The following MAP3K7CL variants were observed in gnomAD, a reference collection of about 807,000 sequenced individuals.
MAP3K7CL encodes MAP3K7 C-terminal like, also known as MAP3K7 C-terminal-like protein.
In MAP3K7CL, 16 loss-of-function variants were observed where a neutral mutation model predicts 18.6. The ratio of observed to expected loss-of-function variants is 0.86; its 90% CI spans 0.58 to 1.31. The LOEUF is 1.31. MAP3K7CL is among the 50% of genes most tolerant of loss of function. The pLI, the probability that MAP3K7CL is intolerant of heterozygous loss-of-function variation, is 0.00. For synonymous variants in MAP3K7CL, 65 were observed against 66.8 expected, an observed-to-expected ratio of 0.97 and a Z score of 0.13; for missense variants, 163 against 174.4, an observed-to-expected ratio of 0.93 and a Z score of 0.37.
chr21:29,112,172 C>G (rs568557722), intron 4 of MAP3K7CL, among the ~76,000 whole-genome samples: 2 of 152,242 alleles, frequency 1.3e-5, no homozygotes, highest in South Asian at 4.1e-4. Context: ...GTGGCGTGCA[C>G]CTGTAGTCCC....
chr21:29,132,671 C>T (rs2048587805), intron 1 of MAP3K7CL, among the ~76,000 whole-genome samples: 1 of 151,916 alleles, frequency 6.6e-6, no homozygotes. Flanking sequence ...TAGCATGCCC[C>T]ACTAATTTTT....
At chr21:29,128,320 T>G (rs556446295), upstream of MAP3K7CL, 4 of 152,050 alleles carry the variant, frequency 2.6e-5, no homozygotes, top group Admixed American at 2.6e-4. Flanking sequence ...TTTTTTTTTT[T>G]GAGATGGAGT....
At chr21:29,115,530 G>A (rs1045590862) in intron 4 of MAP3K7CL, among the ~76,000 whole-genome samples, 1 of 152,188 alleles carries the variant, frequency 6.6e-6, no homozygotes, top group Non-Finnish European at 1.5e-5. Context: ...TCATGGCCTG[G>A]ATGTGAAACT....
intron 2 of MAP3K7CL, among the ~76,000 whole-genome samples, chr21:29,136,348 T>A (rs2086884893): frequency 6.6e-6 from 1 of 152,122 alleles, no homozygotes; most frequent in Non-Finnish European, 1.5e-5. Flanking sequence ...ACCACACATT[T>A]AGGGGGAAAC....
intron 2 of MAP3K7CL, among the ~76,000 whole-genome samples, chr21:29,145,261 C>T (rs1406049102): frequency 2.0e-5 from 3 of 151,988 alleles, no homozygotes; most frequent in Non-Finnish European, 4.4e-5. Context: ...CCATTATAAA[C>T]ATATCAAGCA....
At chr21:29,083,533 T>C (rs2146476199), upstream of MAP3K7CL, among the ~76,000 whole-genome samples, 4 of 151,046 alleles carry the variant, frequency 2.6e-5, 1 homozygote, top group South Asian at 8.4e-4. Flanking sequence ...ATATGACCTG[T>C]GGGAAAAATT....
At chr21:29,109,983 AATGTT>A (rs2086391747) in intron 4 of MAP3K7CL, among the ~76,000 whole-genome samples, 1 of 152,192 alleles carries the variant, frequency 6.6e-6, no homozygotes, top group Admixed American at 6.5e-5. Context: ...CTATTTTTAG[AATGTT>A]ATGAGTACAA....
intron 4 of MAP3K7CL, among the ~76,000 whole-genome samples, chr21:29,103,924 T>G (rs1568937440): frequency 6.6e-6 from 1 of 152,006 alleles, no homozygotes; most frequent in South Asian, 2.1e-4. Context: ...TAAACTAAAA[T>G]AAAAAGTTTG....
At chr21:29,090,412 ACT>A (rs1293414600) in intron 1 of MAP3K7CL, among the ~76,000 whole-genome samples, 1 of 151,532 alleles carries the variant, frequency 6.6e-6, no homozygotes, top group Non-Finnish European at 1.5e-5. Context: ...ACAGAGGCTC[ACT>A]CTGTCGCCCA....
At chr21:29,154,144 C>T (rs907330309) in intron 3 of MAP3K7CL, among the ~76,000 whole-genome samples, 1 of 152,100 alleles carries the variant, frequency 6.6e-6, no homozygotes, top group Non-Finnish European at 1.5e-5. Flanking sequence ...ATCAATCTCA[C>T]ATTGTTGTGG....
At chr21:29,163,054 T>C (rs2087592589) in intron 4 of MAP3K7CL, among the ~76,000 whole-genome samples, 1 of 151,962 alleles carries the variant, frequency 6.6e-6, no homozygotes, top group African/African-American at 2.4e-5. Context: ...GAGGTTGCAG[T>C]GAGCCAAGAT....
At chr21:29,133,482 C>A in intron 2 of MAP3K7CL, 68 bp downstream of exon 2, 1 of 1,218,938 alleles carries the variant, frequency 8.2e-7, no homozygotes, top group Non-Finnish European at 1.1e-6. Flanking sequence ...TTTCTAATGC[C>A]ACGCCTCTGT....
At chr21:29,115,837 A>AT (rs991629361) in intron 4 of MAP3K7CL, among the ~76,000 whole-genome samples, 10 of 152,248 alleles carry the variant, frequency 6.6e-5, no homozygotes, top group Non-Finnish European at 5.9e-5. Context: ...TGAGAACTAA[A>AT]TTAATTATTC....
upstream of MAP3K7CL, among the ~76,000 whole-genome samples, chr21:29,083,201 C>T (rs781309878): frequency 1.9e-4 from 29 of 152,170 alleles, no homozygotes; most frequent in Middle Eastern, 6.3e-3. Context: ...CCCTGGACTC[C>T]AATTTGAGAA....
At chr21:29,101,776 T>C (rs1174102243) in intron 4 of MAP3K7CL, among the ~76,000 whole-genome samples, 2 of 152,200 alleles carry the variant, frequency 1.3e-5, no homozygotes, top group African/African-American at 4.8e-5. Context: ...TTCTTGATTA[T>C]GTGTCAGTAA....
At chr21:29,101,584 A>G (rs1369020811) in intron 4 of MAP3K7CL, among the ~76,000 whole-genome samples, 1 of 151,884 alleles carries the variant, frequency 6.6e-6, no homozygotes, top group Non-Finnish European at 1.5e-5. Flanking sequence ...AATTTTTTGT[A>G]TTTTTAGTAG....
chr21:29,123,529 C>G (rs2086633471), intron 4 of MAP3K7CL, among the ~76,000 whole-genome samples: 1 of 152,034 alleles, frequency 6.6e-6, no homozygotes, highest in African/African-American at 2.4e-5. Context: ...TTTGGGAACT[C>G]TATAGTTTCT....
intron 4 of MAP3K7CL, among the ~76,000 whole-genome samples, chr21:29,099,024 TC>T (rs1432963171): frequency 6.6e-6 from 1 of 152,154 alleles, no homozygotes; most frequent in Non-Finnish European, 1.5e-5. Flanking sequence ...GGCTTGCTCT[TC>T]CACGGTTTAG....
chr21:29,119,496 C>G (rs1263022228), intron 4 of MAP3K7CL, among the ~76,000 whole-genome samples: 2 of 152,116 alleles, frequency 1.3e-5, no homozygotes, highest in East Asian at 3.9e-4. Context: ...CAGGGTCACT[C>G]TGTGATTCCC....
Sources: allele counts gnomAD v4.1 joint callset (sites outside exome capture counted in the v4.1 genomes callset), GRCh38; gene constraint gnomAD v4.1.1; transcripts MANE v1.5; gene names NCBI Gene and HGNC (gene_info 2026-07-23, HGNC 2026-07-21).